Variants in NXPE4 observed in about 807,000 individuals in gnomAD.
The protein encoded by NXPE4 is neurexophilin and PC-esterase domain family member 4.
In NXPE4, 42 loss-of-function variants were observed where a neutral mutation model predicts 33.3. The ratio of observed to expected loss-of-function variants is 1.26; its 90% CI spans 0.98 to 1.63. The LOEUF (loss-of-function observed/expected upper bound fraction) is 1.63, where lower values mean the gene tolerates loss of function less well. Among genes scored for constraint, NXPE4 ranks in the 40% most tolerant of loss-of-function variants. The pLI, the probability that NXPE4 is intolerant of heterozygous loss-of-function variation, is 0.00. For missense variants in NXPE4, 709 were observed against 647.6 expected, an observed-to-expected ratio of 1.09 and a Z score of -1.03; for synonymous variants, 253 against 234.9, an observed-to-expected ratio of 1.08 and a Z score of -0.71.
the NXPE4 span, among the ~76,000 whole-genome samples, chr11:114,601,726 ATATATT>A: frequency 4.2e-5 from 3 of 70,766 alleles, no homozygotes; most frequent in African/African-American, 1.2e-4. Flanking sequence ...TATTATAATT[ATATATT>A]ATATATAATT....
chr11:114,647,705 A>AT, the NXPE4 span, among the ~76,000 whole-genome samples: 24,115 of 147,296 alleles, frequency 0.16, 2,250 homozygotes, highest in Non-Finnish European at 0.21. Flanking sequence ...ATTTTATTTT[A>AT]TTTTTTTTTT....
chr11:114,643,117 T>A, the NXPE4 span, among the ~76,000 whole-genome samples: 1 of 152,274 alleles, frequency 6.6e-6, no homozygotes, highest in East Asian at 1.9e-4. Context: ...GTTTGTTTTT[T>A]TCTTGTAAAT....
At chr11:114,650,843 A>T in the NXPE4 span, among the ~76,000 whole-genome samples, 1 of 113,318 alleles carries the variant, frequency 8.8e-6, no homozygotes, top group Non-Finnish European at 2.2e-5. Flanking sequence ...CGGAAAACAG[A>T]GTCTCACTGC....
chr11:114,616,643 T>G, the NXPE4 span, among the ~76,000 whole-genome samples: 1 of 151,610 alleles, frequency 6.6e-6, no homozygotes, highest in Non-Finnish European at 1.5e-5. Context: ...ATAATAAATG[T>G]TGCCTATTGG....
chr11:114,651,040 T>C, the NXPE4 span, among the ~76,000 whole-genome samples: 1 of 152,052 alleles, frequency 6.6e-6, no homozygotes. Flanking sequence ...CTGTGGTACA[T>C]TGAAGGTAAT....
the NXPE4 span, among the ~76,000 whole-genome samples, chr11:114,662,827 G>T: frequency 7.2e-5 from 11 of 152,270 alleles, no homozygotes; most frequent in East Asian, 2.1e-3. Context: ...TCGAAGGAAA[G>T]GACCCAGTCC....
chr11:114,636,970 C>G, the NXPE4 span, among the ~76,000 whole-genome samples: 2 of 152,144 alleles, frequency 1.3e-5, no homozygotes, highest in African/African-American at 4.8e-5. Flanking sequence ...CTGTAGATGT[C>G]TATTAGGTCC....
the NXPE4 span, among the ~76,000 whole-genome samples, chr11:114,675,080 G>A: frequency 6.6e-6 from 1 of 151,404 alleles, no homozygotes; most frequent in Non-Finnish European, 1.5e-5. Context: ...AAAGAAAAAG[G>A]ATTTGACAAT....
intron 4 of NXPE4, among the ~76,000 whole-genome samples, chr11:114,581,115 T>C (rs1384214163): frequency 6.6e-6 from 1 of 152,210 alleles, no homozygotes; most frequent in Non-Finnish European, 1.5e-5. Context: ...TCTTTCTTTT[T>C]TTATGATTAG....
At chr11:114,577,588 G>C (rs1949040831) in intron 5 of NXPE4, among the ~76,000 whole-genome samples, 1 of 152,164 alleles carries the variant, frequency 6.6e-6, no homozygotes, top group South Asian at 2.1e-4. Context: ...ATGTAAATGT[G>C]AAAGATTACG....
chr11:114,585,777 G>C (rs539412781), intron 2 of NXPE4, among the ~76,000 whole-genome samples: 43 of 152,134 alleles, frequency 2.8e-4, no homozygotes, highest in African/African-American at 9.6e-4. Flanking sequence ...TTCTAACAAA[G>C]AGCAGCCTGA....
chr11:114,639,689 CTATTCTATAATA>C, the NXPE4 span, among the ~76,000 whole-genome samples: 5 of 132,868 alleles, frequency 3.8e-5, no homozygotes, highest in South Asian at 2.2e-4. Flanking sequence ...TATATTGTAT[CTATTCTATAATA>C]TATTCTATAA....
chr11:114,594,593 CT>C, intron 2 of NXPE4, 70 bp downstream of exon 2: 1 of 975,580 alleles, frequency 1.0e-6, no homozygotes. Context: ...GTAGTTTAGC[CT>C]TTCCTAGAAC....
intron 2 of NXPE4, among the ~76,000 whole-genome samples, chr11:114,587,304 G>A (rs1448399275): frequency 1.3e-5 from 2 of 152,122 alleles, no homozygotes; most frequent in Non-Finnish European, 2.9e-5. Flanking sequence ...CAATTAAAAT[G>A]GTACTTAAAT....
chr11:114,608,699 T>C, the NXPE4 span, among the ~76,000 whole-genome samples: 1 of 151,834 alleles, frequency 6.6e-6, no homozygotes, highest in African/African-American at 2.4e-5. Context: ...GTAACCACTG[T>C]AACCAGGTGG....
At chr11:114,591,418 G>A (rs761261664) in intron 2 of NXPE4, among the ~76,000 whole-genome samples, 17 of 152,172 alleles carry the variant, frequency 1.1e-4, no homozygotes, top group South Asian at 2.1e-4. Flanking sequence ...AGAGGTAGCA[G>A]TAATGCATTG....
At chr11:114,595,330 C>T (rs1949555351) in intron 1 of NXPE4, among the ~76,000 whole-genome samples, 1 of 152,092 alleles carries the variant, frequency 6.6e-6, no homozygotes, top group South Asian at 2.1e-4. Context: ...CAGGCTTTAT[C>T]AGTATTTTTC....
At chr11:114,590,915 T>G (rs1486827368) in intron 2 of NXPE4, among the ~76,000 whole-genome samples, 1 of 152,200 alleles carries the variant, frequency 6.6e-6, no homozygotes, top group African/African-American at 2.4e-5. Flanking sequence ...CAGGCTCTGC[T>G]GTTAGAAGGG....
chr11:114,601,999 C>G, the NXPE4 span, among the ~76,000 whole-genome samples: 1 of 75,162 alleles, frequency 1.3e-5, no homozygotes, highest in Non-Finnish European at 2.3e-5. Context: ...TATAATGTAT[C>G]TAATGTATTA....
Sources: allele counts gnomAD v4.1 joint callset (sites outside exome capture counted in the v4.1 genomes callset), GRCh38; gene constraint gnomAD v4.1.1; transcripts MANE v1.5; gene names NCBI Gene and HGNC (gene_info 2026-07-23, HGNC 2026-07-21).